Variants in DAGLB observed in about 807,000 individuals in gnomAD.
DAGLB encodes diacylglycerol lipase-beta.
Under a neutral mutation model 72.1 loss-of-function variants are expected in DAGLB, and 66 were observed. That is an observed-to-expected ratio of 0.92 (90% confidence interval 0.75 to 1.12). The LOEUF is 1.12. DAGLB is among the 50% of genes most tolerant of loss of function. DAGLB has a pLI of 0.00. For synonymous variants in DAGLB, 414 were observed against 359.5 expected (o/e 1.15, Z -1.71); for missense variants, 1,065 against 884.9 (o/e 1.20, Z -2.58).
At chr7:6,411,567 G>A (rs958043448) in intron 13 of DAGLB, among the ~76,000 whole-genome samples, 8 of 152,306 alleles carry the variant, frequency 5.3e-5, no homozygotes, top group African/African-American at 1.7e-4. Flanking sequence ...GCTGCAATGT[G>A]CCGAGACTGC....
At position 6,439,233 on chromosome 7, in the gene DAGLB, C is replaced by A. The variant is rs548138193; in HGVS notation, c.248-2700G>T. The stretch of plus-strand genomic sequence containing the variant: ...CTGTGACACTGCACTCCAGCCTGGG[C>A]GACAGAGTGAGACTCTATCTCAAAA... On this transcript the variant is annotated intron_variant, in intron 2 of 14. Coordinates refer to ENST00000297056, the MANE Select transcript of DAGLB (RefSeq NM_139179.4). 2.7e-5 allele frequency among the ~76,000 whole-genome samples: 4 copies of A among 147,138 alleles called. No individual in the cohort carries two copies. The East Asian group carries it at 5.9e-4, about 22-fold the overall frequency.
chr7:6,443,081 G>A (rs1784881724), intron 2 of DAGLB, among the ~76,000 whole-genome samples: 1 of 151,066 alleles, frequency 6.6e-6, no homozygotes, highest in South Asian at 2.1e-4. Context: ...TACTTGGGAG[G>A]CTGAGGCAGG....
At chr7:6,442,205 T>C (rs1481574656) in intron 2 of DAGLB, among the ~76,000 whole-genome samples, 4 of 152,068 alleles carry the variant, frequency 2.6e-5, no homozygotes, top group South Asian at 2.1e-4. Context: ...GACGCATACT[T>C]GGTATGTGTG....
intron 2 of DAGLB, among the ~76,000 whole-genome samples, chr7:6,438,530 T>A (rs930011653): frequency 2.6e-5 from 4 of 151,788 alleles, no homozygotes; most frequent in Non-Finnish European, 4.4e-5. Flanking sequence ...GAGCTTGTTA[T>A]AACAATAGCC....
chr7:6,413,353 G>T (rs1035968324), intron 11 of DAGLB, among the ~76,000 whole-genome samples: 3 of 152,186 alleles, frequency 2.0e-5, no homozygotes, highest in Non-Finnish European at 2.9e-5. Flanking sequence ...ACTGGAGGCC[G>T]GGTGCAGTGG....
chr7:6,411,853 T>C (rs1341443953), intron 13 of DAGLB, among the ~76,000 whole-genome samples: 2 of 152,190 alleles, frequency 1.3e-5, no homozygotes. Context: ...ATGAGTCATA[T>C]CTCTTAAGAA....
At chr7:6,414,113 C>T (rs748295722) in intron 11 of DAGLB, among the ~76,000 whole-genome samples, 11 of 152,114 alleles carry the variant, frequency 7.2e-5, no homozygotes, top group Admixed American at 1.3e-4. Flanking sequence ...CAGGTTCACG[C>T]CATTCTCCTG....
Position 6,410,356 on chromosome 7 carries a change from A to G in DAGLB, c.1594T>C (p.Trp532Arg). ...GGGTTTCCTCCAAACAGTTCGTACC[A>G]CAAACCGTGCAGCAAGATCTTGTAC... Reference protein sequence around the residue: ...PKYKILLHGLWYELFGGNPNN... With the variant: ...PKYKILLHGLRYELFGGNPNN... The change falls in exon 14 of 15, where the codon TGG becomes CGG. Residue 532 changes from tryptophan to arginine, a missense_variant. Trp to Arg is a moderately radical substitution (Grantham distance 101). Coordinates refer to ENST00000297056, the MANE Select transcript of DAGLB (RefSeq NM_139179.4). 6.2e-7 allele frequency: 1 copy of G among 1,613,320 alleles called. No individual in the cohort carries two copies. Among genetic ancestry groups the G allele is most frequent in the South Asian group, 1.1e-5 (1 of 90,970 alleles).
At chr7:6,424,310 C>T (rs907871380) in intron 8 of DAGLB, among the ~76,000 whole-genome samples, 11 of 152,186 alleles carry the variant, frequency 7.2e-5, no homozygotes, top group Admixed American at 5.9e-4. Flanking sequence ...CGGCAGGCCA[C>T]GAGGGCCTGT....
At chr7:6,417,096 C>A in intron 9 of DAGLB, 175 bp from the exon 10 acceptor site, 2 of 690,518 alleles carry the variant, frequency 2.9e-6, no homozygotes, top group Admixed American at 2.8e-5. Flanking sequence ...CCTTGCACAG[C>A]GCCTGACGTG....
At chr7:6,426,817 A>T (rs1261952208) in intron 6 of DAGLB, among the ~76,000 whole-genome samples, 3 of 152,168 alleles carry the variant, frequency 2.0e-5, no homozygotes. Flanking sequence ...ACGTTTAAAA[A>T]ACAAAAAGAG....
chr7:6,441,878 CA>C (rs765212755), intron 2 of DAGLB, among the ~76,000 whole-genome samples: 1 of 152,232 alleles, frequency 6.6e-6, no homozygotes, highest in South Asian at 2.1e-4. Flanking sequence ...GGAAGGGCCA[CA>C]ATGACTCGAG....
In DAGLB at chr7:6,435,917, C is replaced by A. The variant is rs560366375; in HGVS notation, c.419+445G>T. Among the ~76,000 whole-genome samples, 3 of 152,202 alleles carry A rather than the reference C, an allele frequency of 2.0e-5. No homozygotes were observed. In the East Asian group the frequency reaches 5.8e-4, roughly 29 times the overall value. ...ACTGGATCATCTCTAAGATTTTTAG[C>A]CTAGAAAACACGAAAACCTTATTGT... On this transcript the variant is annotated intron_variant, in intron 3 of 14. Coordinates refer to ENST00000297056, the MANE Select transcript of DAGLB (RefSeq NM_139179.4).
chr7:6,415,944 C>T (rs1027599495), intron 11 of DAGLB, among the ~76,000 whole-genome samples: 7 of 151,468 alleles, frequency 4.6e-5, no homozygotes, highest in African/African-American at 1.2e-4. Flanking sequence ...CCCGAGAGGG[C>T]GGAGGGAGTG....
intron 10 of DAGLB, 42 bp from the exon 11 acceptor site, chr7:6,416,796 C>T (rs1783932921): frequency 6.2e-7 from 1 of 1,614,002 alleles, no homozygotes; most frequent in African/African-American, 1.3e-5. Context: ...GTAAAAACAA[C>T]AGCTCCAAAG....
At chr7:6,436,098 AAAAG>A (rs1186541479) in intron 3 of DAGLB, among the ~76,000 whole-genome samples, 6 of 152,114 alleles carry the variant, frequency 3.9e-5, no homozygotes, top group African/African-American at 1.4e-4. Context: ...AGAAAAAAAA[AAAAG>A]AGAGAGAGAC....
At chr7:6,411,094 T>C (rs945724798) in intron 13 of DAGLB, among the ~76,000 whole-genome samples, 1 of 151,740 alleles carries the variant, frequency 6.6e-6, no homozygotes, top group South Asian at 2.1e-4. Context: ...CCGTGGTCTC[T>C]ATCTCCTGAC....
intron 8 of DAGLB, chr7:6,422,328 G>C (rs1326270547): frequency 7.6e-6 from 2 of 263,130 alleles, no homozygotes; most frequent in Admixed American, 4.9e-5. Flanking sequence ...AGAGAGGACA[G>C]GCGGCGTCCT....
chr7:6,409,596 A>G lies in DAGLB; in HGVS notation c.*241T>C, dbSNP rs1783647939. On this transcript the variant is annotated 3_prime_UTR_variant, in exon 15 of 15. Transcript: ENST00000297056. ...GCCAGGGCTTCCCGAGGCTGTCTCC[A>G]CGGTCGCTGGGTCTCAGGAGTCGTC... 1.8e-6 allele frequency: 1 copy of G among 559,714 alleles called. No individual in the cohort carries two copies. Among genetic ancestry groups the G allele is most frequent in the Non-Finnish European group, 3.2e-6 (1 of 315,306 alleles). The allele number at this position is 559,714 out of a possible 1,614,324, so 34.7% of individuals were successfully genotyped here.
Sources: allele counts gnomAD v4.1 joint callset (sites outside exome capture counted in the v4.1 genomes callset), GRCh38; gene constraint gnomAD v4.1.1; transcripts MANE v1.5; gene names NCBI Gene and HGNC (gene_info 2026-07-23, HGNC 2026-07-21).